Variants in ADGRG6 observed in about 807,000 individuals in gnomAD.
ADGRG6 encodes the protein G-protein coupled receptor 126.
ADGRG6 carries 84 observed loss-of-function variants against 142.4 expected under a neutral mutation model. That is an observed-to-expected ratio of 0.59 (90% CI 0.49 to 0.71). The LOEUF (loss-of-function observed/expected upper bound fraction) is 0.71, where lower values mean the gene tolerates loss of function less well. ADGRG6 is among the 30% of genes least tolerant of loss of function. The probability of loss-of-function intolerance (pLI) is 0.00; values close to 1 mark genes in which losing one functional copy is unlikely to be tolerated. For missense variants in ADGRG6, 1,367 were observed against 1,466.6 expected, an observed-to-expected ratio of 0.93 and a Z score of 1.11; for synonymous variants, 521 against 520.5, an observed-to-expected ratio of 1.00 and a Z score of -0.01.
intron 2 of ADGRG6, among the ~76,000 whole-genome samples, chr6:142,337,876 C>T (rs1268163479): frequency 1.3e-5 from 2 of 151,586 alleles, no homozygotes; most frequent in Non-Finnish European, 2.9e-5. Context: ...ACAGGGGACT[C>T]ATAGATATAT....
intron 7 of ADGRG6, among the ~76,000 whole-genome samples, chr6:142,391,507 A>C (rs1473931211): frequency 1.3e-5 from 2 of 151,648 alleles, no homozygotes; most frequent in African/African-American, 4.8e-5. Context: ...TTGAAAAATA[A>C]CTGATAGAAA....
intron 2 of ADGRG6, among the ~76,000 whole-genome samples, chr6:142,338,145 C>A (rs911445811): frequency 4.7e-5 from 7 of 149,958 alleles, no homozygotes; most frequent in African/African-American, 1.7e-4. Flanking sequence ...CTCAGCCTCC[C>A]GAGTAGCTGC....
At chr6:142,379,859 G>A (rs892792862) in intron 4 of ADGRG6, among the ~76,000 whole-genome samples, 3 of 152,178 alleles carry the variant, frequency 2.0e-5, no homozygotes, top group East Asian at 1.9e-4. Flanking sequence ...TTATTTTTCC[G>A]AAGTTAAGGA....
chr6:142,326,440 G>A (rs1778782494), intron 2 of ADGRG6, among the ~76,000 whole-genome samples: 1 of 151,192 alleles, frequency 6.6e-6, no homozygotes, highest in Non-Finnish European at 1.5e-5. Context: ...ATTTTAGAAA[G>A]ATAATTGGCA....
intron 2 of ADGRG6, among the ~76,000 whole-genome samples, chr6:142,337,224 G>A (rs535433325): frequency 6.6e-6 from 1 of 152,262 alleles, no homozygotes; most frequent in African/African-American, 2.4e-5. Flanking sequence ...GGTATTCTTT[G>A]TAAGTTTAGA....
chr6:142,405,597 A>G (rs1403957308), intron 14 of ADGRG6, 91 bp from the exon 15 acceptor site: 1 of 1,032,008 alleles, frequency 9.7e-7, no homozygotes, highest in Non-Finnish European at 1.5e-6. Context: ...TTGAACTTGC[A>G]ATTGTTCACT....
intron 4 of ADGRG6, among the ~76,000 whole-genome samples, chr6:142,376,452 T>A (rs1290232161): frequency 6.6e-6 from 1 of 152,022 alleles, no homozygotes; most frequent in East Asian, 1.9e-4. Flanking sequence ...TTATTGTTAT[T>A]CTTTTCTGAA....
intron 10 of ADGRG6, among the ~76,000 whole-genome samples, chr6:142,398,591 G>A (rs1013902): frequency 0.086 from 13,102 of 152,062 alleles, 652 homozygotes; most frequent in East Asian, 0.25. Context: ...CATATGGCAC[G>A]GCTTGTACTT....
rs1777855747 is a variant in ADGRG6, at chr6:142,443,467, TA to T, written c.3710del (p.Asn1237IlefsTer40). On this transcript the variant is annotated frameshift_variant, in exon 25 of 25. Coordinates refer to ENST00000367609, the MANE Select transcript of ADGRG6 (RefSeq NM_198569.3). LOFTEE classifies it high-confidence loss of function. ...GCAATGCTCATTCAGACAACTTCTA[TA>T]AAAATATTATCATGTCAGACACCTT... ...YCNAHSDNFY[K>X]NIIMSDTFSH... 1 of 1,612,104 alleles carries T rather than the reference TA, an allele frequency of 6.2e-7. No homozygotes were observed. Among genetic ancestry groups the T allele is most frequent in the Non-Finnish European group, 8.5e-7 (1 of 1,178,444 alleles).
intron 22 of ADGRG6, among the ~76,000 whole-genome samples, chr6:142,430,422 T>C (rs139377466): frequency 5.2e-4 from 79 of 152,314 alleles, no homozygotes; most frequent in African/African-American, 1.8e-3. Flanking sequence ...CGAATTTTAC[T>C]GTATAGTAGT....
intron 2 of ADGRG6, among the ~76,000 whole-genome samples, chr6:142,366,488 C>T (rs1051893457): frequency 3.9e-5 from 6 of 152,178 alleles, no homozygotes; most frequent in South Asian, 2.1e-4. Flanking sequence ...GAACCAGCAT[C>T]GCTAACATTG....
chr6:142,314,898 T>G (rs1035372864), intron 2 of ADGRG6, among the ~76,000 whole-genome samples: 1 of 151,978 alleles, frequency 6.6e-6, no homozygotes, highest in Non-Finnish European at 1.5e-5. Flanking sequence ...AATCGGGACA[T>G]GAAGGAATCT....
intron 13 of ADGRG6, 103 bp downstream of exon 13, chr6:142,402,933 T>C (rs1442697158): frequency 3.2e-6 from 2 of 625,724 alleles, no homozygotes; most frequent in African/African-American, 3.7e-5. Context: ...AGAATTCAAA[T>C]CTCTGCAAGA....
chr6:142,342,563 T>G (rs993743409), intron 2 of ADGRG6, among the ~76,000 whole-genome samples: 57 of 152,062 alleles, frequency 3.7e-4, no homozygotes, highest in Admixed American at 1.3e-3. Flanking sequence ...GCGTTAGAAG[T>G]TTTCATAGTT....
intron 15 of ADGRG6, among the ~76,000 whole-genome samples, chr6:142,406,349 T>G (rs1421515846): frequency 6.6e-6 from 1 of 152,242 alleles, no homozygotes; most frequent in Non-Finnish European, 1.5e-5. Flanking sequence ...ATCATTTTTA[T>G]TGGCATCATT....
Position 142,423,735 on chromosome 6 carries a change from C to T in ADGRG6, c.3319+3631C>T, listed in dbSNP as rs1484213560. Among the ~76,000 whole-genome samples the T allele has an allele frequency of 4.8e-5, 6 of 124,062 alleles. No homozygotes were observed. The East Asian group carries it at 1.2e-3, about 25-fold the overall frequency. The allele number at this position is 124,062 out of a possible 152,430, so 81.4% of individuals were successfully genotyped here. A position where few individuals can be genotyped will look rare whatever the true frequency, so the allele number is the denominator to read the frequency against. Reference sequence around the variant, plus strand: ...GTCATTGGTAGCTTGATGGGGATGGCATTGAATCTGTAAATTACCTTGGGC... The same window carrying T: ...GTCATTGGTAGCTTGATGGGGATGGTATTGAATCTGTAAATTACCTTGGGC... On this transcript the variant is annotated intron_variant, in intron 22 of 24. Transcript: ENST00000367609.
At chr6:142,427,376 A>G (rs1280735108) in intron 22 of ADGRG6, among the ~76,000 whole-genome samples, 1 of 152,182 alleles carries the variant, frequency 6.6e-6, no homozygotes, top group Non-Finnish European at 1.5e-5. Context: ...CACAAGAGTC[A>G]CCTTTGCCCC....
chr6:142,400,462 T>C, intron 10 of ADGRG6, 23 bp from the exon 11 acceptor site: 3 of 1,112,474 alleles, frequency 2.7e-6, no homozygotes, highest in Non-Finnish European at 4.1e-6. Flanking sequence ...ATATTTCTCA[T>C]GCTGGTTCTT....
chr6:142,406,156 T>C (rs976213128), intron 15 of ADGRG6, among the ~76,000 whole-genome samples: 1 of 151,120 alleles, frequency 6.6e-6, no homozygotes, highest in African/African-American at 2.4e-5. Context: ...ATTTAGGCCT[T>C]TACAGTTAAA....
Sources: allele counts gnomAD v4.1 joint callset (sites outside exome capture counted in the v4.1 genomes callset), GRCh38; gene constraint gnomAD v4.1.1; transcripts MANE v1.5; gene names NCBI Gene and HGNC (gene_info 2026-07-23, HGNC 2026-07-21).